USP45: variants seen among roughly 807,000 people sequenced by gnomAD.
USP45 encodes ubiquitin carboxyl-terminal hydrolase 45.
USP45 carries 89 observed loss-of-function variants against 95.8 expected under a neutral mutation model. The ratio of observed to expected loss-of-function variants is 0.93; its 90% CI spans 0.78 to 1.11. USP45 has a LOEUF of 1.11. Ranked by LOEUF, USP45 falls within the 50% of genes least tolerant of loss-of-function variation. The pLI, the probability that USP45 is intolerant of heterozygous loss-of-function variation, is 0.00. For synonymous variants in USP45, 281 were observed against 316.2 expected, an observed-to-expected ratio of 0.89 and a Z score of 1.18; for missense variants, 898 against 942.5, an observed-to-expected ratio of 0.95 and a Z score of 0.62.
chr6:99,476,382 G>C, intron 8 of USP45, 152 bp from the exon 9 acceptor site: 3 of 694,560 alleles, frequency 4.3e-6, no homozygotes, highest in Non-Finnish European at 7.0e-6. Flanking sequence ...CCAAGGGGCA[G>C]ATCACTTGAG....
At chr6:99,494,211 A>G (rs1419807131) in intron 5 of USP45, among the ~76,000 whole-genome samples, 2 of 152,222 alleles carry the variant, frequency 1.3e-5, no homozygotes, top group African/African-American at 4.8e-5. Flanking sequence ...AATAAAAGCA[A>G]TTTAATTTAC....
chr6:99,508,843 T>C, intron 2 of USP45, 61 bp from the exon 3 acceptor site: 1 of 1,441,842 alleles, frequency 6.9e-7, no homozygotes, highest in Non-Finnish European at 9.3e-7. Flanking sequence ...CTACCATTAC[T>C]GAGCAAACCT....
chr6:99,503,961 T>A, intron 4 of USP45, 96 bp from the exon 5 acceptor site: 1 of 828,996 alleles, frequency 1.2e-6, no homozygotes, highest in Non-Finnish European at 1.8e-6. Context: ...CTTTTGTCTT[T>A]AAATTACATG....
chr6:99,471,334 C>T (rs1255456029), intron 9 of USP45, among the ~76,000 whole-genome samples: 2 of 152,154 alleles, frequency 1.3e-5, no homozygotes, highest in Admixed American at 6.5e-5. Flanking sequence ...AGCACTTAAT[C>T]AATTAGCAGT....
At chr6:99,457,397 TTC>T (rs1319156746) in intron 13 of USP45, among the ~76,000 whole-genome samples, 1 of 152,162 alleles carries the variant, frequency 6.6e-6, no homozygotes, top group African/African-American at 2.4e-5. Context: ...GCTTTAGAAT[TTC>T]TCTCTTTTGT....
At chr6:99,439,999 A>C (rs1781230193) in intron 15 of USP45, 144 bp from the exon 16 acceptor site, 2 of 470,632 alleles carry the variant, frequency 4.2e-6, no homozygotes, top group Non-Finnish European at 7.4e-6. Context: ...AATTAATATG[A>C]ATAAATTAAA....
chr6:99,479,871 A>G (rs2128696236), intron 8 of USP45, among the ~76,000 whole-genome samples: 1 of 152,300 alleles, frequency 6.6e-6, no homozygotes, highest in African/African-American at 2.4e-5. Context: ...TTTTTCCAAG[A>G]AGAGTCCTAT....
chr6:99,439,811 T>G lies in USP45; in HGVS notation c.2118A>C (p.Pro706=). Residue 706 remains proline (P), a synonymous_variant, in exon 16 of 18, where the codon CCA becomes CCC. Transcript: ENST00000500704. The part of the protein sequence containing the change: ...LRKVNRHVDF[P]LMLDLAPFCS... ...AGAATGGTGCTAAATCGAGCATAAG[T>G]GGAAAATCTACATGTCTGTTTACTT... The G allele has an allele frequency of 6.2e-7, 1 of 1,608,326 alleles. No individual in the cohort carries two copies. The highest frequency in any genetic ancestry group is 1.1e-5 in the South Asian group (1 of 90,108).
intron 7 of USP45, among the ~76,000 whole-genome samples, chr6:99,487,634 A>C (rs1399805228): frequency 5.1e-4 from 3 of 5,914 alleles, no homozygotes; most frequent in South Asian, 0.019. Flanking sequence ...CTAAAAATAC[A>C]AAAAAAAAAA....
At chr6:99,514,919 G>A (rs1800800376) in intron 1 of USP45, 2 of 152,220 alleles carry the variant, frequency 1.3e-5, no homozygotes, top group Admixed American at 6.5e-5. Context: ...GAAGTGAAGT[G>A]ACTTGCAGAG....
chr6:99,469,486 A>ATATATT (rs1562361262), intron 9 of USP45, among the ~76,000 whole-genome samples: 1 of 136,790 alleles, frequency 7.3e-6, no homozygotes, highest in African/African-American at 2.7e-5. Context: ...ATATATATAT[A>ATATATT]TTTTTTTTTT....
intron 15 of USP45, among the ~76,000 whole-genome samples, chr6:99,442,376 A>T (rs763271312): frequency 7.9e-5 from 12 of 152,226 alleles, no homozygotes; most frequent in Non-Finnish European, 1.6e-4. Flanking sequence ...GCTATGGAAG[A>T]ATTCAGAACT....
intron 9 of USP45, among the ~76,000 whole-genome samples, chr6:99,474,354 C>A (rs1336455047): frequency 6.6e-6 from 1 of 152,118 alleles, no homozygotes; most frequent in African/African-American, 2.4e-5. Context: ...TGCACCACCA[C>A]GCCTGGCTAA....
At chr6:99,515,835 C>G (rs1183620411), upstream of USP45, among the ~76,000 whole-genome samples, 3 of 129,862 alleles carry the variant, frequency 2.3e-5, no homozygotes, top group Non-Finnish European at 4.6e-5. Context: ...AGTGCAATGG[C>G]AAGATCTCGG....
chr6:99,494,099 G>C (rs1319604483), intron 5 of USP45, among the ~76,000 whole-genome samples: 1 of 152,150 alleles, frequency 6.6e-6, no homozygotes, highest in Non-Finnish European at 1.5e-5. Flanking sequence ...TACAAAAAAA[G>C]TGGTCTGCAT....
chr6:99,451,446 T>A (rs1268149504), intron 13 of USP45, among the ~76,000 whole-genome samples: 1 of 152,072 alleles, frequency 6.6e-6, no homozygotes, highest in Non-Finnish European at 1.5e-5. Flanking sequence ...TCAAAGAGAA[T>A]AAAATACCTA....
At chr6:99,448,089 GA>G (rs1256254127) in intron 13 of USP45, among the ~76,000 whole-genome samples, 2 of 152,128 alleles carry the variant, frequency 1.3e-5, no homozygotes, top group Non-Finnish European at 2.9e-5. Context: ...CAAAGATGGG[GA>G]AAAAACAGAG....
At chr6:99,462,593 A>G in intron 13 of USP45, 3 of 985,324 alleles carry the variant, frequency 3.0e-6, no homozygotes, top group Non-Finnish European at 3.6e-6. Flanking sequence ...ACTGTCCTAT[A>G]TATCTTATGA....
chr6:99,517,583 TG>T (rs1298630262), upstream of USP45, among the ~76,000 whole-genome samples: 1 of 150,076 alleles, frequency 6.7e-6, no homozygotes, highest in Non-Finnish European at 1.5e-5. Flanking sequence ...TATAGGCACT[TG>T]CCACCACACA....
Sources: gnomAD v4.1 joint callset for allele counts (sites outside exome capture counted in the v4.1 genomes callset) on GRCh38, gnomAD v4.1.1 for gene constraint, MANE v1.5 for transcripts, NCBI Gene and HGNC (gene_info 2026-07-23, HGNC 2026-07-21) for gene names.